ZBTB7C: variants seen among roughly 807,000 people sequenced by gnomAD.
ZBTB7C encodes zinc finger and BTB domain-containing protein 7C.
ZBTB7C carries 8 observed loss-of-function variants against 25.7 expected under a neutral mutation model. The ratio of observed to expected loss-of-function variants is 0.31; its 90% CI spans 0.18 to 0.56. ZBTB7C has a LOEUF of 0.56. ZBTB7C is among the 20% of genes least tolerant of loss of function. The pLI, the probability that ZBTB7C is intolerant of heterozygous loss-of-function variation, is 0.91. For missense variants in ZBTB7C, 824 were observed against 855.2 expected (o/e 0.96, Z 0.46); for synonymous variants, 394 against 369.0 (o/e 1.07, Z -0.78).
At chr18:48,226,837 G>C (rs1003106146) in intron 2 of ZBTB7C, among the ~76,000 whole-genome samples, 5 of 152,030 alleles carry the variant, frequency 3.3e-5, no homozygotes, top group Admixed American at 3.3e-4. Flanking sequence ...TGGTTAACAT[G>C]GTGAAACCCC....
At chr18:48,033,953 T>C (rs1402254625) in intron 4 of ZBTB7C, among the ~76,000 whole-genome samples, 1 of 152,190 alleles carries the variant, frequency 6.6e-6, no homozygotes, top group Non-Finnish European at 1.5e-5. Flanking sequence ...CCTCTAGTGC[T>C]CCATGAGTGT....
intron 2 of ZBTB7C, among the ~76,000 whole-genome samples, chr18:48,224,967 ATT>A (rs1433614839): frequency 1.3e-5 from 2 of 152,170 alleles, no homozygotes; most frequent in Non-Finnish European, 2.9e-5. Context: ...GGTGACTTAA[ATT>A]TATCCACAGT....
In ZBTB7C at chr18:48,307,754, A is replaced by G. The variant is rs563891298; in HGVS notation, c.-79+30420T>C. 3.7e-4 allele frequency among the ~76,000 whole-genome samples: 57 copies of G among 152,306 alleles called. No homozygotes were observed. The South Asian group carries it at 0.012, about 31-fold the overall frequency. On this transcript the variant is annotated intron_variant, in intron 2 of 4. Coordinates refer to ENST00000590800, the MANE Select transcript of ZBTB7C (RefSeq NM_001318841.2). The stretch of plus-strand genomic sequence containing the variant: ...TCCCAGCTACTTGGGAGGCCAAGGA[A>G]GGAGAATTGCTTGAACCTGGGAGGC...
chr18:48,256,129 T>TA (rs2044014724), intron 2 of ZBTB7C, among the ~76,000 whole-genome samples: 1 of 151,922 alleles, frequency 6.6e-6, no homozygotes, highest in African/African-American at 2.4e-5. Context: ...AACTTTATTT[T>TA]TAAAAAAAAC....
At chr18:48,304,522 A>G (rs899003374) in intron 2 of ZBTB7C, among the ~76,000 whole-genome samples, 3 of 152,198 alleles carry the variant, frequency 2.0e-5, no homozygotes, top group African/African-American at 4.8e-5. Flanking sequence ...TAAAAATACA[A>G]AAATTAGCCA....
intron 2 of ZBTB7C, among the ~76,000 whole-genome samples, chr18:48,245,103 T>C (rs1382441960): frequency 1.4e-5 from 2 of 144,546 alleles, no homozygotes; most frequent in Admixed American, 6.9e-5. Flanking sequence ...TATATATATA[T>C]ACACACACAC....
chr18:48,357,507 G>A (rs574563870), intron 1 of ZBTB7C, among the ~76,000 whole-genome samples: 5 of 152,292 alleles, frequency 3.3e-5, no homozygotes, highest in South Asian at 2.1e-4. Context: ...GCTCAGCGTC[G>A]TTTAGGTGCT....
chr18:48,374,406 C>G (rs1461111204), intron 1 of ZBTB7C: 1 of 152,238 alleles, frequency 6.6e-6, no homozygotes, highest in Non-Finnish European at 1.5e-5. Context: ...CCACTGGGCT[C>G]TAGAAAAAGC....
chr18:48,184,939 A>G (rs1187522985), intron 3 of ZBTB7C, among the ~76,000 whole-genome samples: 2 of 151,986 alleles, frequency 1.3e-5, no homozygotes, highest in African/African-American at 2.4e-5. Flanking sequence ...CTCAAATACA[A>G]CCTCAAGTTT....
rs545153661 is a variant in ZBTB7C at position 48,330,653 on chromosome 18, T to A, written c.-79+7521A>T. The stretch of plus-strand genomic sequence containing the variant: ...GCTTTGTCCCAGTGGTTTCTGTATT[T>A]AAAAAAAAAAAAAACTGAAAAGAGA... On this transcript the variant is annotated intron_variant, in intron 2 of 4. Transcript: ENST00000590800. Among the ~76,000 whole-genome samples, 406 of 143,096 alleles carry A rather than the reference T, an allele frequency of 2.8e-3. 2 individuals carry two copies. The highest frequency in any genetic ancestry group is 9.6e-3 in the African/African-American group (374 of 38,834). The allele number at this position is 143,096 out of a possible 152,430, so 93.9% of individuals were successfully genotyped here. A position where few individuals can be genotyped will look rare whatever the true frequency, so the allele number is the denominator to read the frequency against.
At position 48,404,435 on chromosome 18, in the gene ZBTB7C, G is replaced by A. The variant is rs183436409; in HGVS notation, c.-304+4791C>T. Among the ~76,000 whole-genome samples the A allele has an allele frequency of 4.1e-4, 62 of 152,338 alleles. 1 individual carries two copies. The highest frequency in any genetic ancestry group is 1.2e-3 in the African/African-American group (51 of 41,582). ...AGGGAGTGAAGGGGAGGTCAGAGAC[G>A]CAGACAGGGACCAGATCCCGCATGC... On this transcript the variant is annotated intron_variant, in intron 1 of 4. Transcript: ENST00000590800.
chr18:48,180,221 CCTTT>C (rs2041877542), intron 3 of ZBTB7C: 1 of 325,654 alleles, frequency 3.1e-6, no homozygotes, highest in South Asian at 2.3e-5. Flanking sequence ...TTCCTTCCTT[CCTTT>C]CCTTCCCTCC....
chr18:48,354,446 C>A (rs187000843), intron 1 of ZBTB7C, among the ~76,000 whole-genome samples: 1 of 152,126 alleles, frequency 6.6e-6, no homozygotes, highest in Non-Finnish European at 1.5e-5. Flanking sequence ...ACAGACCATC[C>A]AATATGGACA....
intron 3 of ZBTB7C, among the ~76,000 whole-genome samples, chr18:48,088,036 C>G (rs1352861115): frequency 6.6e-6 from 1 of 152,160 alleles, no homozygotes; most frequent in Non-Finnish European, 1.5e-5. Context: ...CACTAACACC[C>G]CTGTAACCCA....
intron 1 of ZBTB7C, among the ~76,000 whole-genome samples, chr18:48,344,789 G>A (rs1459394419): frequency 1.3e-5 from 2 of 152,238 alleles, no homozygotes; most frequent in South Asian, 2.1e-4. Flanking sequence ...GCCGCCAAAT[G>A]CAGGTTTAGG....
At chr18:48,368,143 A>T (rs2047294244) in intron 1 of ZBTB7C, among the ~76,000 whole-genome samples, 1 of 152,070 alleles carries the variant, frequency 6.6e-6, no homozygotes, top group African/African-American at 2.4e-5. Context: ...CAGACATGTT[A>T]GAATTATCTG....
intron 3 of ZBTB7C, among the ~76,000 whole-genome samples, chr18:48,043,858 TCTC>T (rs1489395533): frequency 6.6e-6 from 1 of 152,126 alleles, no homozygotes; most frequent in East Asian, 1.9e-4. Context: ...CACTAATCAA[TCTC>T]CTCGCTTCTC....
At chr18:48,267,664 G>A (rs1234377386) in intron 2 of ZBTB7C, among the ~76,000 whole-genome samples, 1 of 152,158 alleles carries the variant, frequency 6.6e-6, no homozygotes, top group Non-Finnish European at 1.5e-5. Flanking sequence ...AGGAGATGGT[G>A]TTAGAAGGTG....
chr18:48,218,081 C>A (rs965677022), intron 2 of ZBTB7C, among the ~76,000 whole-genome samples: 3 of 152,146 alleles, frequency 2.0e-5, no homozygotes, highest in African/African-American at 7.2e-5. Context: ...ACCTGCAAGT[C>A]CAGGGTGCCT....
Sources: allele counts gnomAD v4.1 joint callset (sites outside exome capture counted in the v4.1 genomes callset), GRCh38; gene constraint gnomAD v4.1.1; transcripts MANE v1.5; gene names NCBI Gene and HGNC (gene_info 2026-07-23, HGNC 2026-07-21).